Variants in SPRED1 observed in about 807,000 individuals in gnomAD.
The protein encoded by SPRED1 is sprouty related EVH1 domain containing 1.
SPRED1 carries 18 observed loss-of-function variants against 52.3 expected under a neutral mutation model. That is an observed-to-expected ratio of 0.34 (90% CI 0.24 to 0.51). The LOEUF is 0.51. Ranked by LOEUF, SPRED1 falls within the 20% of genes least tolerant of loss-of-function variation. The probability of loss-of-function intolerance (pLI) is 0.97; values close to 1 mark genes in which losing one functional copy is unlikely to be tolerated. For missense variants in SPRED1, 485 were observed against 551.0 expected (o/e 0.88, Z 1.20); for synonymous variants, 155 against 179.7 (o/e 0.86, Z 1.10).
intron 1 of SPRED1, among the ~76,000 whole-genome samples, chr15:38,254,075 C>T (rs1894041730): frequency 6.6e-6 from 1 of 152,034 alleles, no homozygotes; most frequent in Non-Finnish European, 1.5e-5. Flanking sequence ...GTGACAGCTG[C>T]GTGGAGAAAT....
intron 1 of SPRED1, among the ~76,000 whole-genome samples, chr15:38,298,921 A>G (rs1836580885): frequency 6.6e-6 from 1 of 152,192 alleles, no homozygotes; most frequent in Non-Finnish European, 1.5e-5. Context: ...TTGATTTATA[A>G]TATTCTGGAA....
In SPRED1 at chr15:38,288,391, G is replaced by A. The variant is rs185138720; in HGVS notation, c.33-10982G>A. 5.3e-4 allele frequency among the ~76,000 whole-genome samples: 80 copies of A among 152,258 alleles called. 1 individual carries two copies. The highest frequency in any genetic ancestry group is 3.7e-3 in the Admixed American group (57 of 15,274). ...AAAACAAGGTTCCTACTCATGGAGC[G>A]TAAATCCTATTAATGGAGGACAGAC... On this transcript the variant is annotated intron_variant, in intron 1 of 6. Transcript: ENST00000299084.
intron 4 of SPRED1, among the ~76,000 whole-genome samples, chr15:38,327,549 G>C (rs1002542850): frequency 2.6e-5 from 4 of 152,202 alleles, no homozygotes; most frequent in African/African-American, 9.7e-5. Context: ...GAGGAGAGAT[G>C]TATGAAGAGA....
Position 38,351,015 on chromosome 15 carries a change from T to C in SPRED1, c.686T>C (p.Val229Ala), listed in dbSNP as rs1888471290. The change falls in exon 7 of 7, where the codon GTC becomes GCC. Residue 229 changes from valine to alanine, a missense_variant and splice_region_variant. Coordinates refer to ENST00000299084, the MANE Select transcript of SPRED1 (RefSeq NM_152594.3). ...AGTTTTTATCTGTTTCTTTTTTAGG[T>C]CCCTTTGAAATCAATCAGACATGTC... Reference protein sequence around the residue: ...ECGSLKSQNRVPLKSIRHVSF... With the variant: ...ECGSLKSQNRAPLKSIRHVSF... The C allele has an allele frequency of 6.2e-7, 1 of 1,612,356 alleles. No individual in the cohort carries two copies. Among genetic ancestry groups the C allele is most frequent in the African/African-American group, 1.3e-5 (1 of 74,992 alleles).
At chr15:38,296,178 G>T in intron 1 of SPRED1, among the ~76,000 whole-genome samples, 1 of 151,954 alleles carries the variant, frequency 6.6e-6, no homozygotes, top group Non-Finnish European at 1.5e-5. Flanking sequence ...CAGTTGGGTG[G>T]GGTATATAAT....
intron 1 of SPRED1, among the ~76,000 whole-genome samples, chr15:38,280,361 C>A (rs1035440942): frequency 6.6e-6 from 1 of 152,060 alleles, no homozygotes; most frequent in Non-Finnish European, 1.5e-5. Context: ...TCATGATAGC[C>A]AGAAGGGTAT....
chr15:38,338,466 A>T (rs142588585), intron 4 of SPRED1, among the ~76,000 whole-genome samples: 1 of 152,112 alleles, frequency 6.6e-6, no homozygotes, highest in East Asian at 1.9e-4. Flanking sequence ...CTGGGTATCA[A>T]TGTTTAGCCA....
chr15:38,278,651 G>A (rs971847522), intron 1 of SPRED1, among the ~76,000 whole-genome samples: 12 of 151,724 alleles, frequency 7.9e-5, no homozygotes, highest in African/African-American at 2.2e-4. Flanking sequence ...TAGTATTTGC[G>A]TATAATCTAC....
At chr15:38,262,323 T>C (rs1178581110) in intron 1 of SPRED1, among the ~76,000 whole-genome samples, 2 of 152,160 alleles carry the variant, frequency 1.3e-5, no homozygotes, top group African/African-American at 4.8e-5. Flanking sequence ...ACTTCTGAAA[T>C]GTGATGGGTG....
chr15:38,316,125 T>C (rs767297180), intron 2 of SPRED1, among the ~76,000 whole-genome samples: 4 of 152,014 alleles, frequency 2.6e-5, no homozygotes, highest in Admixed American at 6.6e-5. Context: ...TTTGAACACT[T>C]TTCACTCATA....
chr15:38,287,958 A>G (rs780260006), intron 1 of SPRED1, among the ~76,000 whole-genome samples: 24 of 151,962 alleles, frequency 1.6e-4, no homozygotes, highest in Non-Finnish European at 2.9e-4. Flanking sequence ...ATCTCTTAGG[A>G]TCCAGAGTAC....
chr15:38,281,454 G>A (rs1894685805), intron 1 of SPRED1, among the ~76,000 whole-genome samples: 1 of 151,934 alleles, frequency 6.6e-6, no homozygotes, highest in Non-Finnish European at 1.5e-5. Flanking sequence ...GTGCAGTGGT[G>A]TGATCATAGC....
intron 1 of SPRED1, 119 bp from the exon 2 acceptor site, chr15:38,299,254 T>C: frequency 8.8e-7 from 1 of 1,130,120 alleles, no homozygotes; most frequent in Non-Finnish European, 1.3e-6. Context: ...ATGGAAGTAG[T>C]AAACACCTTA....
intron 3 of SPRED1, among the ~76,000 whole-genome samples, chr15:38,323,233 C>A (rs1313532716): frequency 1.3e-5 from 2 of 152,094 alleles, no homozygotes; most frequent in Non-Finnish European, 2.9e-5. Context: ...CATGGAAATA[C>A]ATTGTACAAA....
intron 2 of SPRED1, among the ~76,000 whole-genome samples, chr15:38,313,163 A>T (rs2140988305): frequency 6.6e-6 from 1 of 152,152 alleles, no homozygotes; most frequent in Admixed American, 6.6e-5. Context: ...TGTATTTATC[A>T]TATTTAGGAA....
At chr15:38,299,930 G>A (rs888988933) in intron 2 of SPRED1, among the ~76,000 whole-genome samples, 9 of 151,788 alleles carry the variant, frequency 5.9e-5, no homozygotes, top group Admixed American at 4.6e-4. Flanking sequence ...AGCTAATAAT[G>A]GTTTTTATAG....
At chr15:38,294,995 A>G (rs903595785) in intron 1 of SPRED1, among the ~76,000 whole-genome samples, 1 of 152,186 alleles carries the variant, frequency 6.6e-6, no homozygotes, top group Non-Finnish European at 1.5e-5. Context: ...TATTGGCTCT[A>G]TGAATTTTGG....
intron 1 of SPRED1, among the ~76,000 whole-genome samples, chr15:38,280,861 A>T (rs4457952): frequency 2.0e-5 from 3 of 152,102 alleles, no homozygotes; most frequent in Admixed American, 1.3e-4. Context: ...ACAGTGAATC[A>T]CTTTGCTAGT....
intron 1 of SPRED1, among the ~76,000 whole-genome samples, chr15:38,256,044 A>G (rs1894089188): frequency 6.6e-6 from 1 of 152,188 alleles, no homozygotes; most frequent in South Asian, 2.1e-4. Context: ...GATAACTCCT[A>G]GGCTGACTGT....
Sources: allele counts gnomAD v4.1 joint callset (sites outside exome capture counted in the v4.1 genomes callset), GRCh38; gene constraint gnomAD v4.1.1; transcripts MANE v1.5; gene names NCBI Gene and HGNC (gene_info 2026-07-23, HGNC 2026-07-21).